Variants in PLA2G5 observed in about 807,000 individuals in gnomAD.
PLA2G5 encodes the protein Ca2+-dependent phospholipase A2.
A neutral mutation model predicts 15.9 loss-of-function variants in PLA2G5; 12 were observed. The observed-to-expected ratio is 0.76, with a 90% confidence interval of 0.48 to 1.23. The LOEUF (loss-of-function observed/expected upper bound fraction) is 1.23. Among genes scored for constraint, PLA2G5 ranks in the 50% most tolerant of loss-of-function variants. PLA2G5 has a pLI of 0.00. For synonymous variants in PLA2G5, 71 were observed against 71.4 expected (o/e 0.99, Z 0.03); for missense variants, 169 against 177.1 (o/e 0.95, Z 0.26).
intron 1 of PLA2G5, chr1:20,071,070 T>A (rs2015345920): frequency 6.6e-6 from 1 of 152,196 alleles, no homozygotes; most frequent in Non-Finnish European, 1.5e-5. Context: ...AGGAGTCAAA[T>A]GGATCAGGAC....
intron 1 of PLA2G5, among the ~76,000 whole-genome samples, chr1:20,078,469 G>A (rs894603247): frequency 3.3e-5 from 5 of 152,008 alleles, no homozygotes; most frequent in Non-Finnish European, 7.4e-5. Flanking sequence ...CGAAAATACA[G>A]GATGGGGAGA....
At chr1:20,047,716 CTT>C (rs1270843819) in intron 1 of PLA2G5, among the ~76,000 whole-genome samples, 1 of 101,366 alleles carries the variant, frequency 9.9e-6, no homozygotes, top group Non-Finnish European at 2.0e-5. Flanking sequence ...GCTATAGGAT[CTT>C]TGTGTGTGTG....
chr1:20,054,259 C>T (rs1326640990), intron 1 of PLA2G5, among the ~76,000 whole-genome samples: 2 of 152,146 alleles, frequency 1.3e-5, no homozygotes, highest in African/African-American at 4.8e-5. Flanking sequence ...TTGCTATATT[C>T]CATTAGTTAG....
intron 1 of PLA2G5, among the ~76,000 whole-genome samples, chr1:20,037,633 G>A (rs775200865): frequency 2.0e-5 from 3 of 152,194 alleles, no homozygotes; most frequent in Admixed American, 6.5e-5. Flanking sequence ...CTCCTTTCTT[G>A]GAGCAGGGTT....
At chr1:20,048,674 T>C (rs1010595252) in intron 1 of PLA2G5, among the ~76,000 whole-genome samples, 18 of 152,174 alleles carry the variant, frequency 1.2e-4, no homozygotes, top group African/African-American at 4.3e-4. Flanking sequence ...AAGAACAGCT[T>C]GGAGGTTTAA....
chr1:20,074,128 G>T lies in PLA2G5; in HGVS notation c.-11+3663G>T, dbSNP rs11573209. ...TTTAAGGCGAGACCTGGAGGATAAA[G>T]AATCAAGGACTAAGTATTCTAGGCA... On this transcript the variant is annotated intron_variant, in intron 1 of 4. Transcript: ENST00000375108. 6.4e-3 allele frequency among the ~76,000 whole-genome samples: 973 copies of T among 152,292 alleles called. 14 individuals carry two copies. The highest frequency in any genetic ancestry group is 0.022 in the African/African-American group (909 of 41,552).
In PLA2G5 at chr1:20,090,805, T is replaced by C; in HGVS notation, c.*113T>C. The C allele has an allele frequency of 8.5e-7, 1 of 1,171,466 alleles. No homozygotes were observed. The highest frequency in any genetic ancestry group is 1.2e-6 in the Non-Finnish European group (1 of 800,036). The allele number at this position is 1,171,466 out of a possible 1,614,324, so 72.6% of individuals were successfully genotyped here. On this transcript the variant is annotated 3_prime_UTR_variant, in exon 5 of 5. Transcript: ENST00000375108. ...GGCTCCTAAGTCACAGACCTCAGTC[T>C]TTCTCGAAGCTTGGCGGACCCCCAG...
chr1:20,072,537 AG>A (rs2015432831), intron 1 of PLA2G5, among the ~76,000 whole-genome samples: 1 of 152,186 alleles, frequency 6.6e-6, no homozygotes, highest in Admixed American at 6.5e-5. Context: ...AGTGAGTTTA[AG>A]GAACTAAAAG....
intron 3 of PLA2G5, among the ~76,000 whole-genome samples, chr1:20,086,675 A>C (rs1468101597): frequency 3.3e-5 from 5 of 152,222 alleles, no homozygotes; most frequent in Non-Finnish European, 7.3e-5. Flanking sequence ...TCCTCCCAGC[A>C]TGGTGACTCT....
intron 1 of PLA2G5, among the ~76,000 whole-genome samples, chr1:20,029,745 G>A (rs2012812512): frequency 6.6e-6 from 1 of 152,206 alleles, no homozygotes; most frequent in Non-Finnish European, 1.5e-5. Context: ...TGTATAGTTA[G>A]TCTGGTGTGT....
At chr1:20,083,769 G>A (rs1436791022) in intron 1 of PLA2G5, among the ~76,000 whole-genome samples, 1 of 151,684 alleles carries the variant, frequency 6.6e-6, no homozygotes, top group Non-Finnish European at 1.5e-5. Flanking sequence ...AGAAGGACGC[G>A]GCTCGAATCC....
At chr1:20,078,210 C>T (rs2100576760) in intron 1 of PLA2G5, among the ~76,000 whole-genome samples, 1 of 152,198 alleles carries the variant, frequency 6.6e-6, no homozygotes, top group African/African-American at 2.4e-5. Context: ...CTATGCCAGG[C>T]TTTGGGGGTC....
At chr1:20,048,505 A>C (rs1282048564) in intron 1 of PLA2G5, among the ~76,000 whole-genome samples, 1 of 152,238 alleles carries the variant, frequency 6.6e-6, no homozygotes, top group African/African-American at 2.4e-5. Flanking sequence ...TCTTGAATTT[A>C]GTAAGATTAC....
chr1:20,075,893 A>C (rs1340976796), intron 1 of PLA2G5, among the ~76,000 whole-genome samples: 3 of 132,834 alleles, frequency 2.3e-5, no homozygotes, highest in African/African-American at 6.1e-5. Flanking sequence ...TTTTTTTGAG[A>C]CAAAGTCTCA....
intron 1 of PLA2G5, among the ~76,000 whole-genome samples, chr1:20,053,575 G>GT (rs1350381275): frequency 2.8e-5 from 4 of 143,142 alleles, no homozygotes; most frequent in Admixed American, 1.4e-4. Context: ...CTTTGCGGGG[G>GT]GGGGGGTGAT....
chr1:20,056,853 C>A (rs1335335926), intron 1 of PLA2G5, among the ~76,000 whole-genome samples: 1 of 152,070 alleles, frequency 6.6e-6, no homozygotes, highest in East Asian at 1.9e-4. Context: ...CTAATAGTTT[C>A]TATTTTAGAA....
At chr1:20,031,606 C>A (rs555520804) in intron 1 of PLA2G5, among the ~76,000 whole-genome samples, 52 of 136,596 alleles carry the variant, frequency 3.8e-4, no homozygotes, top group African/African-American at 1.2e-3. Flanking sequence ...TTGGCAACTT[C>A]TGGAATTTTT....
chr1:20,067,589 G>A (rs373179691), upstream of PLA2G5, among the ~76,000 whole-genome samples: 33 of 152,234 alleles, frequency 2.2e-4, no homozygotes, highest in East Asian at 6.0e-3. Context: ...TCAGGAGGCT[G>A]AGGCAGGAGA....
chr1:20,072,861 C>A (rs945021844), intron 1 of PLA2G5, among the ~76,000 whole-genome samples: 2 of 152,034 alleles, frequency 1.3e-5, no homozygotes, highest in African/African-American at 4.8e-5. Flanking sequence ...GTTCCCACAT[C>A]CCCTGTCTTA....
Sources: allele counts gnomAD v4.1 joint callset (sites outside exome capture counted in the v4.1 genomes callset), GRCh38; gene constraint gnomAD v4.1.1; transcripts MANE v1.5; gene names NCBI Gene and HGNC (gene_info 2026-07-23, HGNC 2026-07-21).